Variants in PRSS56 observed in about 807,000 individuals in gnomAD.
The protein encoded by PRSS56 is protease, serine 56.
A neutral mutation model predicts 66.8 loss-of-function variants in PRSS56; 55 were observed. That is an observed-to-expected ratio of 0.82 (90% CI 0.66 to 1.03). The LOEUF is 1.03. PRSS56 is among the 50% of genes least tolerant of loss of function. The pLI is 0.00. For synonymous variants in PRSS56, 409 were observed against 387.9 expected, an observed-to-expected ratio of 1.05 and a Z score of -0.64; for missense variants, 869 against 837.2, an observed-to-expected ratio of 1.04 and a Z score of -0.47.
In PRSS56 at chr2:232,523,560, C is replaced by T. The variant is rs1691332932; in HGVS notation, c.994C>T (p.Leu332Phe). 6.5e-7 allele frequency: 1 copy of T among 1,529,024 alleles called. No individual in the cohort carries two copies. The highest frequency in any genetic ancestry group is 8.7e-7 in the Non-Finnish European group (1 of 1,144,350). 94.7% of individuals were successfully genotyped at this position (1,529,024 alleles called of 1,614,324 possible). A position where few individuals can be genotyped will look rare whatever the true frequency, so the allele number is the denominator to read the frequency against. Residue 332 changes from leucine (L) to phenylalanine (F), a missense_variant, in exon 8 of 13, where the codon CTC (leucine) becomes TTC (phenylalanine). Physicochemically the swap from Leu to Phe is conservative, Grantham distance 22. Coordinates refer to ENST00000617714, the MANE Select transcript of PRSS56 (RefSeq NM_001195129.2). ...CCGCGTGGCAGTGTTCAAGGACTGG[C>T]TCCAGGAGCAGATGAGCGGTGAGCG... Reference protein sequence around the residue: ...YTRVAVFKDWLQEQMSASSSR... With the variant: ...YTRVAVFKDWFQEQMSASSSR...
In PRSS56 at chr2:232,524,861, C is replaced by T. The variant is rs537907970; in HGVS notation, c.1521+17C>T. 5.7e-5 allele frequency: 86 copies of T among 1,513,108 alleles called. No homozygotes were observed. The South Asian group carries it at 1.0e-3, about 18-fold the overall frequency. The allele number at this position is 1,513,108 out of a possible 1,614,324, so 93.7% of individuals were successfully genotyped here. A position where few individuals can be genotyped will look rare whatever the true frequency, so the allele number is the denominator to read the frequency against. The stretch of plus-strand genomic sequence containing the variant: ...TTTCATGAGGTAGGTCCCCAGGCTT[C>T]CAGACTCCTTCACGATGGCCTGGGA... On this transcript the variant is annotated intron_variant, in intron 12 of 12. Coordinates refer to ENST00000617714, the MANE Select transcript of PRSS56 (RefSeq NM_001195129.2).
At position 232,522,834 on chromosome 2, in the gene PRSS56, A is replaced by T. The variant is rs1164932189; in HGVS notation, c.679A>T (p.Ile227Phe). 4.1e-6 allele frequency: 6 copies of T among 1,474,814 alleles called. No individual in the cohort carries two copies. The highest frequency in any genetic ancestry group is 4.6e-5 in the Admixed American group (2 of 43,842). The allele number at this position is 1,474,814 out of a possible 1,614,324, so 91.4% of individuals were successfully genotyped here. A position where few individuals can be genotyped will look rare whatever the true frequency, so the allele number is the denominator to read the frequency against. ...QEPPAGTACA[I>F]AGWGALFEDG... is the part of the protein sequence containing the mutation. ...GCCCCCTGCCGGAACCGCCTGCGCCATCGCGGGCTGGGGCGCCCTCTTCGA... is the reference window on the plus strand; with the variant it reads ...GCCCCCTGCCGGAACCGCCTGCGCCTTCGCGGGCTGGGGCGCCCTCTTCGA... The change falls in exon 6 of 13, where the codon ATC becomes TTC. Residue 227 changes from isoleucine to phenylalanine, a missense_variant. Around this residue, in one of 3 missense-constraint regions of PRSS56, gnomAD observed 3 missense variants for 16.7 expected, o/e 0.18. Transcript: ENST00000617714.
At position 232,522,508 on chromosome 2, in the gene PRSS56, C is replaced by T. The variant is rs1214094876; in HGVS notation, c.447-7C>T. ...TTCCTGCGTCTCAGCTGCCGCTCGA[C>T]CCGCAGCGCCCCGAATGAGCTTCTG... is the stretch of plus-strand genomic sequence containing the variant. On this transcript the variant is annotated splice_polypyrimidine_tract_variant and splice_region_variant and intron_variant, in intron 4 of 12. Transcript: ENST00000617714. 1.3e-6 allele frequency: 2 copies of T among 1,527,126 alleles called. No homozygotes were observed. Among genetic ancestry groups the T allele is most frequent in the African/African-American group, 2.8e-5 (2 of 72,546 alleles). 94.6% of individuals were successfully genotyped at this position (1,527,126 alleles called of 1,614,324 possible).
rs1312468515 is a variant in PRSS56, at chr2:232,523,506, G to A, written c.940G>A (p.Gly314Arg). 3 of 1,531,818 alleles carry A rather than the reference G, an allele frequency of 2.0e-6. No individual in the cohort carries two copies. The highest frequency in any genetic ancestry group is 2.6e-6 in the Non-Finnish European group (3 of 1,145,074). 94.9% of individuals were successfully genotyped at this position (1,531,818 alleles called of 1,614,324 possible). A position where few individuals can be genotyped will look rare whatever the true frequency, so the allele number is the denominator to read the frequency against. ...AGTCACCTCCTGGGGGGACGGCTGCGGGGAGCCAGGGAAGCCCGGGGTCTA... is the reference window on the plus strand; with the variant it reads ...AGTCACCTCCTGGGGGGACGGCTGCAGGGAGCCAGGGAAGCCCGGGGTCTA... Reference protein sequence around the residue: ...FGVTSWGDGCGEPGKPGVYTR... With the variant: ...FGVTSWGDGCREPGKPGVYTR... The change falls in exon 8 of 13, where the codon GGG becomes AGG. Residue 314 changes from glycine (G) to arginine (R), a missense_variant. Physicochemically the swap from Gly to Arg is moderately radical, Grantham distance 125 (BLOSUM62 -2). Transcript: ENST00000617714.
At chr2:232,523,734 A>G (rs759568411) in intron 8 of PRSS56, 38 bp from the exon 9 acceptor site, 1 of 1,533,412 alleles carries the variant, frequency 6.5e-7, no homozygotes, top group East Asian at 2.4e-5. Flanking sequence ...TAGGGCCCCA[A>G]ACAGAGGGTG....
At position 232,523,202 on chromosome 2, in the gene PRSS56, G is replaced by C; in HGVS notation, c.849G>C (p.Gln283His). Residue 283 changes from glutamine to histidine, a missense_variant and splice_region_variant, in exon 7 of 13, where the codon CAG becomes CAC. Physicochemically the swap from Gln to His is conservative, Grantham distance 24. This residue lies in a region of PRSS56 where 551 missense variants were observed against 506.9 expected (regional missense o/e 1.09). Coordinates refer to ENST00000617714, the MANE Select transcript of PRSS56 (RefSeq NM_001195129.2). ...TGGCGGGGGGCGTTGACTCGTGCCA[G>C]GTATGAACCCAGTCTGATGAGAAAA... ...GYLAGGVDSC[Q>H]GDSGGPLTCS... The C allele has an allele frequency of 6.8e-7, 1 of 1,460,176 alleles. No individual in the cohort carries two copies. The highest frequency in any genetic ancestry group is 9.0e-7 in the Non-Finnish European group (1 of 1,108,432). The allele number at this position is 1,460,176 out of a possible 1,614,324, so 90.5% of individuals were successfully genotyped here.
rs777622526 is a variant in PRSS56, at chr2:232,524,392, T to A, written c.1414+23T>A. 2.0e-6 allele frequency: 3 copies of A among 1,532,554 alleles called. No homozygotes were observed. In the South Asian group the frequency reaches 3.6e-5, roughly 18 times the overall value. The allele number at this position is 1,532,554 out of a possible 1,614,324, so 94.9% of individuals were successfully genotyped here. The stretch of plus-strand genomic sequence containing the variant: ...ACGGTAATGACGCCCCCTGCCGACC[T>A]TCAGGAGGGGATAGGCTGAGGGCCT... On this transcript the variant is annotated intron_variant, in intron 11 of 12. Transcript: ENST00000617714.
chr2:232,523,255 A>G, intron 7 of PRSS56, 53 bp downstream of exon 7: 2 of 1,422,858 alleles, frequency 1.4e-6, no homozygotes, highest in Admixed American at 5.9e-5. Context: ...CAGGGCCACT[A>G]CGGCCTCTTT....
In PRSS56 at chr2:232,520,616, G is replaced by A. The variant is rs1317257026; in HGVS notation, c.18G>A (p.Leu6=). The A allele has an allele frequency of 6.5e-7, 1 of 1,536,108 alleles. No individual in the cohort carries two copies. Among genetic ancestry groups the A allele is most frequent in the Non-Finnish European group, 8.7e-7 (1 of 1,146,870 alleles). ...TGGTCACCATGCTGCTGGCTGTGCT[G>A]CTGCTGCTACCCCTCCCAAGCTCAT... The part of the protein sequence containing the change: MLLAV[L]LLLPLPSSWF... Residue 6 remains leucine (L), a synonymous_variant, in exon 1 of 13, where the codon CTG becomes CTA. Coordinates refer to ENST00000617714, the MANE Select transcript of PRSS56 (RefSeq NM_001195129.2).
rs1474293095 is a variant in PRSS56 at position 232,521,796 on chromosome 2, A to C, written c.206-20A>C. The C allele has an allele frequency of 6.5e-7, 1 of 1,535,504 alleles. No individual in the cohort carries two copies. The highest frequency in any genetic ancestry group is 8.7e-7 in the Non-Finnish European group (1 of 1,146,582). ...AGGCGAGAGGGCAGCAGTGAGACTC[A>C]AAGGTCTGTTTCTCTGCAGGATCTG... is the stretch of plus-strand genomic sequence containing the variant. On this transcript the variant is annotated intron_variant, in intron 2 of 12. Transcript: ENST00000617714.
Position 232,524,110 on chromosome 2 carries a change from G to C in PRSS56, c.1258G>C (p.Gly420Arg). 6.6e-7 allele frequency: 1 copy of C among 1,515,460 alleles called. No homozygotes were observed. Among genetic ancestry groups the C allele is most frequent in the Non-Finnish European group, 8.8e-7 (1 of 1,138,728 alleles). 93.9% of individuals were successfully genotyped at this position (1,515,460 alleles called of 1,614,324 possible). A position where few individuals can be genotyped will look rare whatever the true frequency, so the allele number is the denominator to read the frequency against. ...NAQELLGPRPGLRRLAPALAL... is the reference protein window; with the variant it reads ...NAQELLGPRPRLRRLAPALAL... The stretch of plus-strand genomic sequence containing the variant: ...GCAGGAGCTGCTCGGGCCTCGTCCG[G>C]GACTGCGGCGCCTGGCCCCCGCCCT... Residue 420 changes from glycine (G) to arginine (R), a missense_variant, in exon 10 of 13, where the codon GGA (glycine) becomes CGA (arginine). By Grantham distance (125) the Gly-to-Arg change is moderately radical. Transcript: ENST00000617714.
chr2:232,523,741 G>T, intron 8 of PRSS56, 31 bp from the exon 9 acceptor site: 1 of 1,533,826 alleles, frequency 6.5e-7, no homozygotes, highest in Non-Finnish European at 8.7e-7. Flanking sequence ...CCAAACAGAG[G>T]GTGAGCTGAC....
At position 232,523,471 on chromosome 2, in the gene PRSS56, T is replaced by A; in HGVS notation, c.905T>A (p.Val302Asp). 6.6e-7 allele frequency: 1 copy of A among 1,521,656 alleles called. No individual in the cohort carries two copies. The highest frequency in any genetic ancestry group is 8.8e-7 in the Non-Finnish European group (1 of 1,139,972). 94.3% of individuals were successfully genotyped at this position (1,521,656 alleles called of 1,614,324 possible). Residue 302 changes from valine to aspartate, a missense_variant, in exon 8 of 13, where the codon GTC becomes GAC. By Grantham distance (152) the Val-to-Asp change is radical. Around this residue, in one of 3 missense-constraint regions of PRSS56, gnomAD observed 551 missense variants for 506.9 expected, o/e 1.09. Transcript: ENST00000617714. ...GAGCCTGGCCCCCGCCCTAGAGAGG[T>A]CCTGTTCGGAGTCACCTCCTGGGGG... ...CSEPGPRPRE[V>D]LFGVTSWGDG...
Position 232,522,631 on chromosome 2 carries a change from C to T in PRSS56, c.546+17C>T, listed in dbSNP as rs1691306682. On this transcript the variant is annotated intron_variant, in intron 5 of 12. Coordinates refer to ENST00000617714, the MANE Select transcript of PRSS56 (RefSeq NM_001195129.2). ...CACCCCAAGGTGAGAAGGCAGTCCC[C>T]AGGCCCCCAAGGCTGGGCACCGCAC... 2 of 1,533,924 alleles carry T rather than the reference C, an allele frequency of 1.3e-6. No homozygotes were observed. The highest frequency in any genetic ancestry group is 1.7e-6 in the Non-Finnish European group (2 of 1,145,510).
chr2:232,525,313 T>C lies in PRSS56; in HGVS notation c.1619T>C (p.Val540Ala). ...CGGCATGTGGCCTTCAGCGGCCTGG[T>C]GGGCCTGGAGCCGGCCACACTGGCT... Reference protein sequence around the residue: ...GGRHVAFSGLVGLEPATLARS... With the variant: ...GGRHVAFSGLAGLEPATLARS... Residue 540 changes from valine to alanine, a missense_variant, in exon 13 of 13, where the codon GTG (valine) becomes GCG (alanine). Coordinates refer to ENST00000617714, the MANE Select transcript of PRSS56 (RefSeq NM_001195129.2). The C allele has an allele frequency of 6.6e-7, 1 of 1,524,270 alleles. No individual in the cohort carries two copies. Among genetic ancestry groups the C allele is most frequent in the Non-Finnish European group, 8.8e-7 (1 of 1,138,644 alleles). The allele number at this position is 1,524,270 out of a possible 1,614,324, so 94.4% of individuals were successfully genotyped here.
rs1374156674 is a variant in PRSS56, at chr2:232,521,337, G to A, written c.114G>A (p.Gly38=). 38 of 1,535,960 alleles carry A rather than the reference G, an allele frequency of 2.5e-5. No individual in the cohort carries two copies. Among genetic ancestry groups the A allele is most frequent in the East Asian group, 2.4e-4 (10 of 40,920 alleles). The change falls in exon 2 of 13, where the codon GGG becomes GGA. Residue 38 remains glycine, a synonymous_variant. Transcript: ENST00000617714. Reference sequence around the variant, plus strand: ...TCCCAGCAGTTCTGTCGGCCCAGGGGACTCAGGCGTTGCAGGCAGCCCAGA... The same window carrying A: ...TCCCAGCAGTTCTGTCGGCCCAGGGAACTCAGGCGTTGCAGGCAGCCCAGA... The part of the protein sequence containing the change: ...PSALQVLSAQ[G]TQALQAAQRS...
At chr2:232,521,782 C>T in intron 2 of PRSS56, 34 bp from the exon 3 acceptor site, 1 of 1,533,452 alleles carries the variant, frequency 6.5e-7, no homozygotes, top group Non-Finnish European at 8.7e-7. Flanking sequence ...GGCGAGAGGG[C>T]AGCAGTGAGA....
chr2:232,522,763 CG>C lies in PRSS56; in HGVS notation c.614del (p.Gly205AspfsTer39), dbSNP rs1168764323. The stretch of plus-strand genomic sequence containing the variant: ...GTGCAGCTGTGGACGCCGGTGAGCC[CG>C]GGGGGATCGGCGCGCCCCGTGTGCC... ...ALVQLWTPVS[P>X]GGSARPVCLP... On this transcript the variant is annotated frameshift_variant, in exon 6 of 13. Coordinates refer to ENST00000617714, the MANE Select transcript of PRSS56 (RefSeq NM_001195129.2). LOFTEE classifies it high-confidence loss of function. The C allele has an allele frequency of 5.9e-6, 9 of 1,527,944 alleles. No individual in the cohort carries two copies. Among genetic ancestry groups the C allele is most frequent in the South Asian group, 4.8e-5 (4 of 83,596 alleles). The allele number at this position is 1,527,944 out of a possible 1,614,324, so 94.6% of individuals were successfully genotyped here. A position where few individuals can be genotyped will look rare whatever the true frequency, so the allele number is the denominator to read the frequency against.
chr2:232,521,992 C>G lies in PRSS56; in HGVS notation c.278C>G (p.Pro93Arg). The part of the protein sequence containing the change: ...PEPGPCGERR[P>R]STANVTRAHG... ...CTAGGGCCGTGCGGCGAGAGGCGTC[C>G]GAGCACTGCCAATGTGACGCGGGCC... Residue 93 changes from proline (P) to arginine (R), a missense_variant, in exon 4 of 13, where the codon CCG (proline) becomes CGG (arginine). By Grantham distance (103) the Pro-to-Arg change is moderately radical. This residue lies in a region of PRSS56 where 315 missense variants were observed against 313.7 expected (regional missense o/e 1.00). Coordinates refer to ENST00000617714, the MANE Select transcript of PRSS56 (RefSeq NM_001195129.2). The G allele has an allele frequency of 6.9e-7, 1 of 1,459,280 alleles. No homozygotes were observed. Among genetic ancestry groups the G allele is most frequent in the South Asian group, 1.4e-5 (1 of 71,866 alleles). The allele number at this position is 1,459,280 out of a possible 1,614,324, so 90.4% of individuals were successfully genotyped here.
Sources: gnomAD v4.1 joint callset for allele counts on GRCh38, gnomAD v4.1.1 for gene constraint, gnomAD v4.1.1 regional missense constraint, MANE v1.5 for transcripts, NCBI Gene and HGNC (gene_info 2026-07-23, HGNC 2026-07-21) for gene names.